CTNNAL1: variants seen among roughly 807,000 people sequenced by gnomAD.
CTNNAL1 encodes the protein catenin alpha like 1, also known as alpha-catulin.
Under a neutral mutation model 93.6 loss-of-function variants are expected in CTNNAL1, and 69 were observed. The ratio of observed to expected loss-of-function variants is 0.74; its 90% CI spans 0.61 to 0.90. The LOEUF (loss-of-function observed/expected upper bound fraction) is 0.90. Among genes scored for constraint, CTNNAL1 ranks in the 40% least tolerant of loss-of-function variants. The pLI is 0.00. For missense variants in CTNNAL1, 836 were observed against 862.0 expected, an observed-to-expected ratio of 0.97 and a Z score of 0.38; for synonymous variants, 286 against 305.4, an observed-to-expected ratio of 0.94 and a Z score of 0.66.
At chr9:108,943,853 C>T in intron 16 of CTNNAL1, 37 bp from the exon 17 acceptor site, 1 of 1,607,186 alleles carries the variant, frequency 6.2e-7, no homozygotes, top group South Asian at 1.1e-5. Flanking sequence ...CAGCCCGCAA[C>T]AAAACTCCAT....
chr9:108,983,417 C>T, intron 5 of CTNNAL1, 102 bp from the exon 6 acceptor site: 5 of 1,254,798 alleles, frequency 4.0e-6, no homozygotes, highest in Non-Finnish European at 5.1e-6. Context: ...GGTTCTTTAC[C>T]AAAATCTCCT....
chr9:108,975,249 A>T (rs1305851433), intron 8 of CTNNAL1, among the ~76,000 whole-genome samples: 1 of 150,528 alleles, frequency 6.6e-6, no homozygotes, highest in Non-Finnish European at 1.5e-5. Context: ...CTGTCTGGAG[A>T]GCTGCTGGGT....
chr9:108,972,864 G>GGGGGGGGGCCGCCCCCCC, intron 8 of CTNNAL1, 31 bp from the exon 9 acceptor site: 1 of 142,582 alleles, frequency 7.0e-6, no homozygotes, highest in Non-Finnish European at 1.0e-5. Flanking sequence ...GGGGGGGTGG[G>GGGGGGGGGCCGCCCCCCC]AGGGTGGAGA....
At chr9:108,994,253 T>C (rs1587982846) in intron 2 of CTNNAL1, among the ~76,000 whole-genome samples, 1 of 150,474 alleles carries the variant, frequency 6.6e-6, no homozygotes, top group Admixed American at 6.6e-5. Flanking sequence ...GAAAGATCAG[T>C]CTAGTAGGAG....
chr9:108,978,618 C>G (rs1243223877), intron 7 of CTNNAL1, among the ~76,000 whole-genome samples: 1 of 152,186 alleles, frequency 6.6e-6, no homozygotes, highest in East Asian at 1.9e-4. Context: ...AGATTGTGTA[C>G]ACACACTTCC....
chr9:108,972,893 G>A (rs2132132970), intron 8 of CTNNAL1, 60 bp from the exon 9 acceptor site: 1 of 1,448,998 alleles, frequency 6.9e-7, no homozygotes, highest in South Asian at 1.4e-5. Context: ...GGTGATGAAG[G>A]AAAGAAAACA....
chr9:108,975,835 A>G (rs1284246541), intron 8 of CTNNAL1, among the ~76,000 whole-genome samples: 1 of 152,014 alleles, frequency 6.6e-6, no homozygotes, highest in Non-Finnish European at 1.5e-5. Context: ...GTCCCCATAC[A>G]CTCTACTGAC....
chr9:108,963,022 T>C (rs1036071839), intron 11 of CTNNAL1, among the ~76,000 whole-genome samples: 2 of 152,178 alleles, frequency 1.3e-5, no homozygotes, highest in African/African-American at 4.8e-5. Context: ...AAGAGACCCC[T>C]TGATGGAAAA....
intron 9 of CTNNAL1, among the ~76,000 whole-genome samples, chr9:108,971,252 C>T (rs1174735289): frequency 6.6e-6 from 1 of 152,134 alleles, no homozygotes; most frequent in Non-Finnish European, 1.5e-5. Flanking sequence ...TCCTTCTAAC[C>T]ATTAGTCTTT....
intron 4 of CTNNAL1, among the ~76,000 whole-genome samples, chr9:108,985,220 C>T (rs967081411): frequency 6.6e-6 from 1 of 152,128 alleles, no homozygotes; most frequent in Non-Finnish European, 1.5e-5. Flanking sequence ...CATTTGAGGC[C>T]TTCTGAGCTA....
At chr9:108,987,620 A>C (rs1831655325) in intron 4 of CTNNAL1, among the ~76,000 whole-genome samples, 1 of 152,110 alleles carries the variant, frequency 6.6e-6, no homozygotes, top group Admixed American at 6.5e-5. Context: ...TACCTTGGGC[A>C]GTATGGCCAT....
intron 4 of CTNNAL1, among the ~76,000 whole-genome samples, chr9:108,984,672 G>A (rs1831548102): frequency 6.6e-6 from 1 of 152,104 alleles, no homozygotes; most frequent in Non-Finnish European, 1.5e-5. Flanking sequence ...CAGAAACTGA[G>A]ACACAGGTAG....
At chr9:108,998,835 G>A (rs917175882) in intron 2 of CTNNAL1, among the ~76,000 whole-genome samples, 4 of 152,182 alleles carry the variant, frequency 2.6e-5, no homozygotes, top group Admixed American at 2.0e-4. Context: ...CTCAATGGCT[G>A]ATGAGGATGG....
chr9:108,995,450 T>C (rs1831981827), intron 2 of CTNNAL1, among the ~76,000 whole-genome samples: 1 of 152,234 alleles, frequency 6.6e-6, no homozygotes, highest in South Asian at 2.1e-4. Context: ...TAACATTTGG[T>C]TGGCTCCACC....
intron 2 of CTNNAL1, among the ~76,000 whole-genome samples, chr9:108,995,680 T>G (rs934996791): frequency 2.6e-5 from 4 of 152,176 alleles, no homozygotes; most frequent in African/African-American, 9.7e-5. Context: ...AATATAAACC[T>G]TGCCTGGTAG....
intron 10 of CTNNAL1, 112 bp downstream of exon 10, chr9:108,970,290 A>T: frequency 1.2e-6 from 1 of 853,592 alleles, no homozygotes. Context: ...TTCTTTCTCT[A>T]TGTATATTTG....
intron 6 of CTNNAL1, 109 bp downstream of exon 6, chr9:108,983,036 C>T (rs1831482876): frequency 4.9e-6 from 5 of 1,024,518 alleles, no homozygotes; most frequent in African/African-American, 1.7e-5. Flanking sequence ...CGAGATCACA[C>T]CACTGCACTC....
intron 1 of CTNNAL1, among the ~76,000 whole-genome samples, chr9:109,011,778 G>A (rs1356097457): frequency 6.6e-6 from 1 of 152,186 alleles, no homozygotes; most frequent in African/African-American, 2.4e-5. Context: ...CATACCACGA[G>A]AATATATACC....
intron 11 of CTNNAL1, among the ~76,000 whole-genome samples, chr9:108,962,839 T>C (rs1830854541): frequency 6.6e-6 from 1 of 152,184 alleles, no homozygotes; most frequent in South Asian, 2.1e-4. Context: ...ATTAGGTAGT[T>C]TTGTCATCAT....
Sources: allele counts gnomAD v4.1 joint callset (sites outside exome capture counted in the v4.1 genomes callset), GRCh38; gene constraint gnomAD v4.1.1; transcripts MANE v1.5; gene names NCBI Gene and HGNC (gene_info 2026-07-23, HGNC 2026-07-21).